Variants in JAK2 observed in about 807,000 individuals in gnomAD.
The protein encoded by JAK2 is tyrosine-protein kinase JAK2.
Under a neutral mutation model 139.3 loss-of-function variants are expected in JAK2, and 86 were observed. That is an observed-to-expected ratio of 0.62 (90% CI 0.52 to 0.74). The LOEUF (loss-of-function observed/expected upper bound fraction) is 0.74. Among genes scored for constraint, JAK2 ranks in the 30% least tolerant of loss-of-function variants. The pLI is 0.00. For synonymous variants in JAK2, 490 were observed against 437.7 expected (o/e 1.12, Z -1.49); for missense variants, 1,421 against 1,360.3 (o/e 1.04, Z -0.70).
rs766645393 is a variant in JAK2, at chr9:5,126,399, T to C, written c.3244T>C (p.Leu1082=). ...GATCGTGTTCCATTTGATAGAACTTTTGAAGAATAATGGAAGATTACCAAG... is the reference window on the plus strand; with the variant it reads ...GATCGTGTTCCATTTGATAGAACTTCTGAAGAATAATGGAAGATTACCAAG... The part of the protein sequence containing the change: ...QMIVFHLIEL[L]KNNGRLPRPD... The change falls in exon 24 of 25, where the codon TTG becomes CTG. Residue 1082 remains leucine (L), a synonymous_variant. Transcript: ENST00000381652. 7 of 1,610,976 alleles carry C rather than the reference T, an allele frequency of 4.3e-6. No homozygotes were observed. Among genetic ancestry groups the C allele is most frequent in the East Asian group, 2.2e-5 (1 of 44,762 alleles).
At position 4,999,376 on chromosome 9, in the gene JAK2, C is replaced by G. The variant is rs150546254; in HGVS notation, c.-26+13354C>G. Among the ~76,000 whole-genome samples, 99 of 152,182 alleles carry G rather than the reference C, an allele frequency of 6.5e-4. 1 individual carries two copies. The highest frequency in any genetic ancestry group is 2.3e-3 in the African/African-American group (95 of 41,524). On this transcript the variant is annotated intron_variant, in intron 2 of 24. Coordinates refer to ENST00000381652, the MANE Select transcript of JAK2 (RefSeq NM_004972.4). ...TTAATAGGCAGTAGTAGTATACAAG[C>G]TTTGACCAAATGTCTCTTCATATAA...
intron 3 of JAK2, among the ~76,000 whole-genome samples, chr9:5,025,718 A>C (rs1167982363): frequency 2.0e-5 from 3 of 152,034 alleles, no homozygotes; most frequent in Admixed American, 6.6e-5. Flanking sequence ...TTTTTGGTAG[A>C]GACGGGGTTT....
At chr9:5,022,811 C>G (rs1308536529) in intron 3 of JAK2, among the ~76,000 whole-genome samples, 1 of 152,202 alleles carries the variant, frequency 6.6e-6, no homozygotes, top group Non-Finnish European at 1.5e-5. Context: ...AGCCTACTAT[C>G]ATGGTATCTC....
intron 19 of JAK2, 32 bp downstream of exon 19, chr9:5,081,893 T>A: frequency 6.4e-7 from 1 of 1,559,064 alleles, no homozygotes; most frequent in South Asian, 1.1e-5. Context: ...AAATAGAGTA[T>A]AATCATTTCA....
chr9:5,050,751 T>C lies in JAK2; in HGVS notation c.534T>C (p.Cys178=), dbSNP rs778128636. Residue 178 remains cysteine (C), a synonymous_variant, in exon 6 of 25, where the codon TGT becomes TGC. Transcript: ENST00000381652. ...TGACTCATGAAACACAGGAAGAATG[T>C]CTTGGGATGGCAGTGTTAGATATGA... is the stretch of plus-strand genomic sequence containing the variant. ...VPVTHETQEE[C]LGMAVLDMMR... 142 of 1,613,454 alleles carry C rather than the reference T, an allele frequency of 8.8e-5. No individual in the cohort carries two copies. The highest frequency in any genetic ancestry group is 1.2e-4 in the Non-Finnish European group (137 of 1,179,592).
chr9:5,073,430 G>A (rs1045655337), intron 13 of JAK2, among the ~76,000 whole-genome samples: 1 of 152,110 alleles, frequency 6.6e-6, no homozygotes, highest in Admixed American at 6.6e-5. Context: ...TATGGGTCAA[G>A]CCTGTTTGAC....
intron 22 of JAK2, among the ~76,000 whole-genome samples, chr9:5,103,819 T>A (rs1214984356): frequency 6.6e-6 from 1 of 151,964 alleles, no homozygotes; most frequent in African/African-American, 2.4e-5. Context: ...GAATGACTAC[T>A]GGGTAAATAA....
chr9:5,118,377 G>T (rs778440162), intron 22 of JAK2, among the ~76,000 whole-genome samples: 2 of 151,994 alleles, frequency 1.3e-5, no homozygotes, highest in African/African-American at 4.8e-5. Context: ...TTGTAACCAA[G>T]ATATGTATAT....
intron 2 of JAK2, among the ~76,000 whole-genome samples, chr9:5,001,081 A>C (rs1820900806): frequency 6.6e-6 from 1 of 152,238 alleles, no homozygotes; most frequent in Admixed American, 6.5e-5. Flanking sequence ...AAATTCATTT[A>C]TAAGTTCTAG....
chr9:5,127,310 G>C lies in JAK2; in HGVS notation c.*519G>C, dbSNP rs1471284635. 1 of 232,032 alleles carries C rather than the reference G, an allele frequency of 4.3e-6. No individual in the cohort carries two copies. The highest frequency in any genetic ancestry group is 8.5e-6 in the Non-Finnish European group (1 of 117,054). The allele number at this position is 232,032 out of a possible 1,614,324, so 14.4% of individuals were successfully genotyped here. On this transcript the variant is annotated 3_prime_UTR_variant, in exon 25 of 25. Coordinates refer to ENST00000381652, the MANE Select transcript of JAK2 (RefSeq NM_004972.4). ...CTATACAAACAAATTAAGATGTTCAGATAATTGAATAAGTACCTTTGTGTC... is the reference window on the plus strand; with the variant it reads ...CTATACAAACAAATTAAGATGTTCACATAATTGAATAAGTACCTTTGTGTC...
chr9:5,090,221 G>A (rs1820470972), intron 20 of JAK2, among the ~76,000 whole-genome samples: 1 of 152,174 alleles, frequency 6.6e-6, no homozygotes, highest in Non-Finnish European at 1.5e-5. Context: ...TGCCTGAAGA[G>A]TTATAGAAAA....
At chr9:5,075,897 T>C (rs1819276913) in intron 14 of JAK2, among the ~76,000 whole-genome samples, 1 of 152,148 alleles carries the variant, frequency 6.6e-6, no homozygotes. Context: ...ATGCCAGGAA[T>C]AGCATTCATG....
chr9:5,067,378 G>C (rs1047084027), intron 10 of JAK2, among the ~76,000 whole-genome samples: 3 of 152,090 alleles, frequency 2.0e-5, no homozygotes, highest in Non-Finnish European at 4.4e-5. Flanking sequence ...TATCACTTAT[G>C]AGGCAATTTC....
chr9:5,016,130 G>C (rs1312993508), intron 2 of JAK2, among the ~76,000 whole-genome samples: 1 of 152,146 alleles, frequency 6.6e-6, no homozygotes, highest in Admixed American at 6.5e-5. Context: ...ATTGGAAGGG[G>C]AACCTCCCGC....
intron 10 of JAK2, 89 bp downstream of exon 10, chr9:5,066,878 A>G: frequency 1.9e-6 from 1 of 515,874 alleles, no homozygotes; most frequent in Non-Finnish European, 3.2e-6. Context: ...CCTTTTTAAT[A>G]CTGAGAATTA....
chr9:5,042,757 G>A (rs59225790), intron 4 of JAK2, among the ~76,000 whole-genome samples: 36,025 of 152,148 alleles, frequency 0.24, 4,656 homozygotes, highest in South Asian at 0.31. Flanking sequence ...TGCTGCCAGG[G>A]GTGAGGCTGT....
At chr9:5,017,825 T>C (rs1326418114) in intron 2 of JAK2, among the ~76,000 whole-genome samples, 1 of 152,248 alleles carries the variant, frequency 6.6e-6, no homozygotes, top group Non-Finnish European at 1.5e-5. Flanking sequence ...TTTTGATACA[T>C]TAGAAGTTCT....
At chr9:5,110,818 A>G (rs989375190) in intron 22 of JAK2, 6 of 439,678 alleles carry the variant, frequency 1.4e-5, no homozygotes, top group African/African-American at 8.1e-5. Flanking sequence ...GCCCTGCTGC[A>G]TCGCCCGTTT....
In JAK2 at chr9:5,066,798, G is replaced by C; in HGVS notation, c.1326+9G>C. The C allele has an allele frequency of 7.7e-7, 1 of 1,290,896 alleles. No homozygotes were observed. The highest frequency in any genetic ancestry group is 1.1e-6 in the Non-Finnish European group (1 of 930,246). The allele number at this position is 1,290,896 out of a possible 1,614,324, so 80.0% of individuals were successfully genotyped here. ...TGACTTTTGCTGTCGAGGTTAGTAT[G>C]TCACACTTATTAGTGGTAACACTTT... On this transcript the variant is annotated intron_variant, in intron 10 of 24. Coordinates refer to ENST00000381652, the MANE Select transcript of JAK2 (RefSeq NM_004972.4).
Sources: gnomAD v4.1 joint callset for allele counts (sites outside exome capture counted in the v4.1 genomes callset) on GRCh38, gnomAD v4.1.1 for gene constraint, MANE v1.5 for transcripts, NCBI Gene and HGNC (gene_info 2026-07-23, HGNC 2026-07-21) for gene names.